TUBGCP2: variants seen among roughly 807,000 people sequenced by gnomAD.
The protein encoded by TUBGCP2 is tubulin gamma complex component 2.
Under a neutral mutation model 92.2 loss-of-function variants are expected in TUBGCP2, and 55 were observed. The observed-to-expected ratio is 0.60, with a 90% CI of 0.48 to 0.75. The LOEUF (loss-of-function observed/expected upper bound fraction) is 0.75. TUBGCP2 is among the 30% of genes least tolerant of loss of function. The pLI is 0.00. For missense variants in TUBGCP2, 1,093 were observed against 1,188.9 expected, an observed-to-expected ratio of 0.92 and a Z score of 1.19; for synonymous variants, 533 against 505.2, an observed-to-expected ratio of 1.06 and a Z score of -0.74.
At chr10:133,304,925 G>A (rs147099718) in intron 1 of TUBGCP2, among the ~76,000 whole-genome samples, 2,728 of 152,304 alleles carry the variant, frequency 0.018, 87 homozygotes, top group African/African-American at 0.061. Context: ...TGATGCCAGC[G>A]TCTGGGAAGA....
intron 2 of TUBGCP2, chr10:133,300,315 A>C (rs2995332): frequency 0.16 from 94,896 of 588,138 alleles, 9,256 homozygotes; most frequent in African/African-American, 0.36. Context: ...GTGGCTCATG[A>C]CTGTAATCCC....
At chr10:133,310,601 TGCA>T (rs1847969363), upstream of TUBGCP2, 1 of 378,080 alleles carries the variant, frequency 2.6e-6, no homozygotes, top group East Asian at 5.9e-5. Context: ...CTGTACCTCC[TGCA>T]GCAGTCGGCC....
chr10:133,293,626 G>A lies in TUBGCP2; in HGVS notation c.760C>T (p.Leu254=), dbSNP rs763758361. The A allele has an allele frequency of 5.1e-6, 8 of 1,571,346 alleles. No individual in the cohort carries two copies. The South Asian group carries it at 9.3e-5, about 18-fold the overall frequency. Residue 254 remains leucine (L), a synonymous_variant, in exon 6 of 18, where the codon CTG becomes TTG. Transcript: ENST00000252936. ...RTFLVDPNLD[L]SIRELVHRIL... is the part of the protein sequence containing the mutation. ...CTGTGCACCAGCTCCCTGATGGACA[G>A]GTCCAGGTTGGGGTCCACGAGGAAG... is the stretch of plus-strand genomic sequence containing the variant.
At chr10:133,312,068 A>C (rs868693540), upstream of TUBGCP2, 17 of 1,467,964 alleles carry the variant, frequency 1.2e-5, no homozygotes, top group Middle Eastern at 1.8e-3. Flanking sequence ...CAGGAATGCC[A>C]AGCACCACTC....
At chr10:133,311,399 CT>C (rs1453118497), upstream of TUBGCP2, among the ~76,000 whole-genome samples, 1 of 152,176 alleles carries the variant, frequency 6.6e-6, no homozygotes, top group Non-Finnish European at 1.5e-5. Context: ...CTCTGGTTAA[CT>C]TTAGCAAATT....
intron 6 of TUBGCP2, among the ~76,000 whole-genome samples, 159 bp from the exon 7 acceptor site, chr10:133,293,397 T>C (rs1847411220): frequency 6.6e-6 from 1 of 152,236 alleles, no homozygotes; most frequent in South Asian, 2.1e-4. Context: ...GTCAGGACCC[T>C]GGATGGTGAC....
Position 133,290,158 on chromosome 10 carries a change from G to A in TUBGCP2, c.1215-189C>T, listed in dbSNP as rs568716332. ...TGGGCTAAAACGAACCTAGGGGCCGGGCACGGTGGCTCACGCCTGTAACCC... is the reference window on the plus strand; with the variant it reads ...TGGGCTAAAACGAACCTAGGGGCCGAGCACGGTGGCTCACGCCTGTAACCC... On this transcript the variant is annotated intron_variant, in intron 8 of 17. Coordinates refer to ENST00000252936, the MANE Select transcript of TUBGCP2 (RefSeq NM_006659.4). 2,327 of 764,538 alleles carry A rather than the reference G, an allele frequency of 3.0e-3. 3 individuals carry two copies. The highest frequency in any genetic ancestry group is 9.2e-3 in the Middle Eastern group (23 of 2,502). The allele number at this position is 764,538 out of a possible 1,614,324, so 47.4% of individuals were successfully genotyped here.
intron 1 of TUBGCP2, 73 bp from the exon 2 acceptor site, chr10:133,303,053 A>T: frequency 7.2e-6 from 10 of 1,385,606 alleles, no homozygotes; most frequent in Non-Finnish European, 8.9e-6. Flanking sequence ...AACACTCAAG[A>T]CTGGCCAATG....
At position 133,301,386 on chromosome 10, in the gene TUBGCP2, A is replaced by G. The variant is rs923997966; in HGVS notation, c.151-1273T>C. Among the ~76,000 whole-genome samples the G allele has an allele frequency of 2.0e-5, 3 of 152,204 alleles. No homozygotes were observed. In the South Asian group the frequency reaches 6.2e-4, roughly 32 times the overall value. ...GTGATCCACCCGCCTCGGCCTCCCA[A>G]AGGGCTGGGATTACAGGTGTGAGCG... On this transcript the variant is annotated intron_variant, in intron 2 of 17. Transcript: ENST00000252936.
At chr10:133,284,890 C>T (rs962315534) in intron 13 of TUBGCP2, among the ~76,000 whole-genome samples, 195 bp downstream of exon 13, 1 of 152,220 alleles carries the variant, frequency 6.6e-6, no homozygotes, top group African/African-American at 2.4e-5. Context: ...ACGGCAGCGC[C>T]GTGCAGCCCC....
chr10:133,296,051 T>A (rs1002471113), intron 5 of TUBGCP2: 5 of 152,372 alleles, frequency 3.3e-5, no homozygotes, highest in African/African-American at 1.2e-4. Flanking sequence ...CCTGGGATGC[T>A]GAGTGTGCTG....
At chr10:133,279,923 C>A in intron 17 of TUBGCP2, 22 bp from the exon 18 acceptor site, 1 of 1,606,122 alleles carries the variant, frequency 6.2e-7, no homozygotes, top group Non-Finnish European at 8.5e-7. Context: ...GACAGTGGAG[C>A]TGGGGTGCAC....
At chr10:133,309,305 C>G, upstream of TUBGCP2, 3 of 1,500,088 alleles carry the variant, frequency 2.0e-6, no homozygotes, top group Non-Finnish European at 2.7e-6. Flanking sequence ...CGCGGGATGA[C>G]TGGGGCCACG....
intron 5 of TUBGCP2, among the ~76,000 whole-genome samples, chr10:133,297,128 G>T (rs573112264): frequency 1.3e-5 from 2 of 152,194 alleles, no homozygotes; most frequent in African/African-American, 4.8e-5. Context: ...TTGACTAGGC[G>T]TGGTGGCTCA....
At chr10:133,293,425 C>G (rs1170098644) in intron 6 of TUBGCP2, 137 bp downstream of exon 6, 1 of 1,223,818 alleles carries the variant, frequency 8.2e-7, no homozygotes, top group Non-Finnish European at 1.1e-6. Context: ...CCCTCCAAAA[C>G]TGAGTTGGGC....
intron 5 of TUBGCP2, 140 bp downstream of exon 5, chr10:133,297,812 C>A: frequency 7.7e-7 from 1 of 1,300,472 alleles, no homozygotes; most frequent in Non-Finnish European, 1.1e-6. Flanking sequence ...TGAGGAAAGG[C>A]AGGCCCGGGG....
Position 133,292,610 on chromosome 10 carries a change from C to T in TUBGCP2, c.1103G>A (p.Gly368Glu). ...LLHDRSFSYT[G>E]DSQAQELCLY... ...GCATAGCTCCTGCGCCTGGCTGTCC[C>T]CTGTGTAGCTGAAGCTCCTGTCGTG... Residue 368 changes from glycine to glutamate, a missense_variant, in exon 8 of 18, where the codon GGG becomes GAG. Gly to Glu is a moderately conservative substitution (Grantham distance 98). Transcript: ENST00000252936. 1 of 1,614,186 alleles carries T rather than the reference C, an allele frequency of 6.2e-7. No homozygotes were observed. Among genetic ancestry groups the T allele is most frequent in the Non-Finnish European group, 8.5e-7 (1 of 1,180,022 alleles).
At position 133,302,728 on chromosome 10, in the gene TUBGCP2, T is replaced by C. The variant is rs949614900; in HGVS notation, c.150+64A>G. The C allele has an allele frequency of 7.8e-5, 125 of 1,599,186 alleles. No individual in the cohort carries two copies. Among genetic ancestry groups the C allele is most frequent in the Middle Eastern group, 2.3e-4 (1 of 4,428 alleles). ...CCCTGACCCAGGGGTGGGCTCACCCTGCACCACCCTGACCCAGGAACAGTG... is the reference window on the plus strand; with the variant it reads ...CCCTGACCCAGGGGTGGGCTCACCCCGCACCACCCTGACCCAGGAACAGTG... On this transcript the variant is annotated intron_variant, in intron 2 of 17. Coordinates refer to ENST00000252936, the MANE Select transcript of TUBGCP2 (RefSeq NM_006659.4).
rs1223703893 is a variant in TUBGCP2, at chr10:133,300,083, CTGG to C, written c.178_180del (p.Pro60del). ...TCATCATATTTCTTTAGAAAGTCTTCTGGAGTACGAGAAAACTCTGCAATTTTA... is the reference window on the plus strand; with the variant it reads ...TCATCATATTTCTTTAGAAAGTCTTCAGTACGAGAAAACTCTGCAATTTTA... On this transcript the variant is annotated inframe_deletion, in exon 3 of 18. Transcript: ENST00000252936. The C allele has an allele frequency of 6.2e-7, 1 of 1,614,036 alleles. No homozygotes were observed. The highest frequency in any genetic ancestry group is 8.5e-7 in the Non-Finnish European group (1 of 1,179,956).
Sources: allele counts gnomAD v4.1 joint callset (sites outside exome capture counted in the v4.1 genomes callset), GRCh38; gene constraint gnomAD v4.1.1; transcripts MANE v1.5; gene names NCBI Gene and HGNC (gene_info 2026-07-23, HGNC 2026-07-21).